Variants in HBP1 observed in about 807,000 individuals in gnomAD.
The protein encoded by HBP1 is HMG box-containing protein 1.
HBP1 carries 20 observed loss-of-function variants against 62.6 expected under a neutral mutation model. That is an observed-to-expected ratio of 0.32 (90% CI 0.22 to 0.46). The LOEUF (loss-of-function observed/expected upper bound fraction) is 0.46, where lower values mean the gene tolerates loss of function less well. Among genes scored for constraint, HBP1 ranks in the 20% least tolerant of loss-of-function variants. HBP1 has a pLI of 1.00. For synonymous variants in HBP1, 232 were observed against 206.2 expected (o/e 1.12, Z -1.07); for missense variants, 480 against 611.8 (o/e 0.78, Z 2.27).
At chr7:107,171,860 C>CAAAA (rs367641713) in intron 1 of HBP1, among the ~76,000 whole-genome samples, 17 of 63,916 alleles carry the variant, frequency 2.7e-4, no homozygotes, top group African/African-American at 9.9e-4. Flanking sequence ...ACTTCCTCTC[C>CAAAA]AAAAAAAAAA....
intron 7 of HBP1, 93 bp downstream of exon 7, chr7:107,189,541 T>C (rs1027350179): frequency 2.1e-5 from 20 of 957,920 alleles, no homozygotes; most frequent in African/African-American, 6.6e-5. Flanking sequence ...AAGAAAAAAT[T>C]TGAGGGGAAA....
chr7:107,171,860 C>CAAAAAAAAAAAAAAAAAAA (rs367641713), intron 1 of HBP1, among the ~76,000 whole-genome samples: 1 of 63,928 alleles, frequency 1.6e-5, no homozygotes, highest in Non-Finnish European at 2.9e-5. Context: ...ACTTCCTCTC[C>CAAAAAAAAAAAAAAAAAAA]AAAAAAAAAA....
chr7:107,175,120 A>T (rs1480863188), intron 1 of HBP1, among the ~76,000 whole-genome samples: 1 of 152,118 alleles, frequency 6.6e-6, no homozygotes. Flanking sequence ...GTTCCTGCAT[A>T]CTCATACAGT....
chr7:107,171,860 CAAAAA>C (rs367641713), intron 1 of HBP1, among the ~76,000 whole-genome samples: 1 of 63,916 alleles, frequency 1.6e-5, no homozygotes, highest in Non-Finnish European at 2.9e-5. Context: ...ACTTCCTCTC[CAAAAA>C]AAAAAAAAAA....
Position 107,196,033 on chromosome 7 carries a change from T to A in HBP1, c.1267T>A (p.Ser423Thr). ...LYAKAVKNHS[S>T]GTVSATSPNK... is the part of the protein sequence containing the mutation. ...TGCTAAAGCTGTCAAAAACCACAGCTCAGGGACTGTGAGTGCCACTTCTCC... is the reference window on the plus strand; with the variant it reads ...TGCTAAAGCTGTCAAAAACCACAGCACAGGGACTGTGAGTGCCACTTCTCC... The change falls in exon 9 of 11, where the codon TCA becomes ACA. Residue 423 changes from serine (S) to threonine (T), a missense_variant. Ser to Thr is a moderately conservative substitution (Grantham distance 58). Transcript: ENST00000222574. The A allele has an allele frequency of 2.5e-6, 4 of 1,613,522 alleles. No homozygotes were observed. Among genetic ancestry groups the A allele is most frequent in the Non-Finnish European group, 3.4e-6 (4 of 1,179,412 alleles).
At position 107,189,603 on chromosome 7, in the gene HBP1, C is replaced by A. The variant is rs989780813; in HGVS notation, c.922+155C>A. On this transcript the variant is annotated intron_variant, in intron 7 of 10. Coordinates refer to ENST00000222574, the MANE Select transcript of HBP1 (RefSeq NM_012257.4). Reference sequence around the variant, plus strand: ...ACCATAGGGAATGCTTATAATAATACCTAATGGTGCGTAAGTATCTTAGCA... The same window carrying A: ...ACCATAGGGAATGCTTATAATAATAACTAATGGTGCGTAAGTATCTTAGCA... Among the ~76,000 whole-genome samples the A allele has an allele frequency of 2.0e-5, 3 of 152,076 alleles. No individual in the cohort carries two copies. In the South Asian group the frequency reaches 6.2e-4, roughly 32 times the overall value.
At chr7:107,184,566 A>G (rs1041200645) in intron 3 of HBP1, among the ~76,000 whole-genome samples, 3 of 152,106 alleles carry the variant, frequency 2.0e-5, no homozygotes, top group East Asian at 1.9e-4. Flanking sequence ...GCTCGAGTGC[A>G]GTGGTGCAAT....
At chr7:107,170,915 A>T (rs1254504455) in intron 1 of HBP1, among the ~76,000 whole-genome samples, 1 of 147,628 alleles carries the variant, frequency 6.8e-6, no homozygotes, top group South Asian at 2.1e-4. Flanking sequence ...TCTTCACTAT[A>T]TACATATGTA....
chr7:107,198,529 C>CAAAT (rs1161411911), intron 9 of HBP1, among the ~76,000 whole-genome samples: 2 of 152,118 alleles, frequency 1.3e-5, no homozygotes, highest in Non-Finnish European at 2.9e-5. Context: ...ATTTTCTTTG[C>CAAAT]ATTTTAGCAT....
chr7:107,188,992 ATTC>A lies in HBP1; in HGVS notation c.766-294_766-292del, dbSNP rs559027813. On this transcript the variant is annotated intron_variant, in intron 6 of 10. Transcript: ENST00000222574. ...GGTGCAAGGCATCTTTCTAAATTGCATTCTTCTTTTAAATCTCAGTTCCAGTTG... is the reference window on the plus strand; with the variant it reads ...GGTGCAAGGCATCTTTCTAAATTGCATTCTTTTAAATCTCAGTTCCAGTTG... 2.1e-3 allele frequency among the ~76,000 whole-genome samples: 320 copies of A among 152,324 alleles called. 2 individuals are homozygous for A. Among genetic ancestry groups the A allele is most frequent in the African/African-American group, 7.2e-3 (301 of 41,582 alleles).
At chr7:107,198,686 A>G (rs1798048562) in intron 9 of HBP1, among the ~76,000 whole-genome samples, 1 of 152,138 alleles carries the variant, frequency 6.6e-6, no homozygotes, top group Non-Finnish European at 1.5e-5. Flanking sequence ...CAATGAATAA[A>G]TTCTCATTTG....
chr7:107,179,181 TTTTATTAAGGAAAGTTTTTAAA>T (rs1244302070), intron 1 of HBP1, among the ~76,000 whole-genome samples: 26 of 152,154 alleles, frequency 1.7e-4, no homozygotes, highest in Admixed American at 7.2e-4. Flanking sequence ...TTTTTTTAAC[TTTTATTAAGGAAAGTTTTTAAA>T]TTTCCTTTTG....
intron 2 of HBP1, 98 bp from the exon 3 acceptor site, chr7:107,182,275 T>A (rs1797143753): frequency 1.5e-6 from 1 of 656,188 alleles, no homozygotes; most frequent in Admixed American, 2.6e-5. Context: ...TCAAAATTAA[T>A]TAGCTAAAAT....
chr7:107,189,926 C>A (rs2115931382), intron 7 of HBP1: 2 of 334,172 alleles, frequency 6.0e-6, no homozygotes, highest in Admixed American at 4.6e-5. Flanking sequence ...GATGGAAGTG[C>A]TGATTGATAG....
At position 107,199,446 on chromosome 7, in the gene HBP1, A is replaced by AAAAG. The variant is rs1381124624; in HGVS notation, c.1386-712_1386-709dup. ...TTTAACTGCATTAAGTTATTGGATA[A>AAAAG]AAAGACAAATACACTTGTAGGAGAG... is the stretch of plus-strand genomic sequence containing the variant. On this transcript the variant is annotated intron_variant, in intron 9 of 10. Transcript: ENST00000222574. 3.3e-5 allele frequency among the ~76,000 whole-genome samples: 5 copies of AAAAG among 152,364 alleles called. No individual in the cohort carries two copies. The East Asian group carries it at 7.7e-4, about 23-fold the overall frequency.
chr7:107,171,073 A>ATATATATATATATATATT, intron 1 of HBP1, among the ~76,000 whole-genome samples: 4 of 87,198 alleles, frequency 4.6e-5, no homozygotes, highest in African/African-American at 2.0e-4. Context: ...ATATATATAT[A>ATATATATATATATATATT]TTTTTTTTTT....
At chr7:107,174,458 A>T (rs1259132886) in intron 1 of HBP1, 2 of 984,792 alleles carry the variant, frequency 2.0e-6, no homozygotes, top group African/African-American at 1.7e-5. Flanking sequence ...GAGTTTTGGG[A>T]TGGTGGTTGA....
chr7:107,178,155 G>C (rs926267946), intron 1 of HBP1, among the ~76,000 whole-genome samples: 2 of 151,992 alleles, frequency 1.3e-5, no homozygotes, highest in East Asian at 1.9e-4. Context: ...GGATTTTTTT[G>C]TGTATTTCAT....
rs1293231888 is a variant in HBP1 at position 107,179,914 on chromosome 7, A to T, written c.21A>T (p.Thr7=). Residue 7 remains threonine, a synonymous_variant, in exon 2 of 11, where the codon ACA becomes ACT. Transcript: ENST00000222574. MVWEVK[T]NQMPNAVQKL... is the part of the protein sequence containing the mutation. ...ATAACATGGTGTGGGAAGTGAAGAC[A>T]AATCAGATGCCTAATGCAGTACAGA... is the stretch of plus-strand genomic sequence containing the variant. The T allele has an allele frequency of 1.3e-6, 2 of 1,599,584 alleles. No individual in the cohort carries two copies. Among genetic ancestry groups the T allele is most frequent in the Admixed American group, 3.3e-5 (2 of 59,858 alleles).
Sources: allele counts gnomAD v4.1 joint callset (sites outside exome capture counted in the v4.1 genomes callset), GRCh38; gene constraint gnomAD v4.1.1; transcripts MANE v1.5; gene names NCBI Gene and HGNC (gene_info 2026-07-23, HGNC 2026-07-21).